ANKFN1: variants seen among roughly 807,000 people sequenced by gnomAD.
ANKFN1 encodes ankyrin repeat and fibronectin type-III domain-containing protein 1.
Under a neutral mutation model 108.7 loss-of-function variants are expected in ANKFN1, and 74 were observed. The observed-to-expected ratio is 0.68, with a 90% CI of 0.56 to 0.83. The LOEUF (loss-of-function observed/expected upper bound fraction) is 0.83. Among genes scored for constraint, ANKFN1 ranks in the 40% least tolerant of loss-of-function variants. The pLI, the probability that ANKFN1 is intolerant of heterozygous loss-of-function variation, is 0.00. For synonymous variants in ANKFN1, 547 were observed against 516.2 expected, an observed-to-expected ratio of 1.06 and a Z score of -0.81; for missense variants, 1,505 against 1,382.3, an observed-to-expected ratio of 1.09 and a Z score of -1.41.
At chr17:56,061,751 T>C (rs1290619288) in intron 4 of ANKFN1, among the ~76,000 whole-genome samples, 1 of 152,202 alleles carries the variant, frequency 6.6e-6, no homozygotes, top group Non-Finnish European at 1.5e-5. Context: ...TCATACTCTA[T>C]CTCCTTCAGT....
chr17:56,243,851 T>C (rs1917765160), intron 3 of ANKFN1, among the ~76,000 whole-genome samples: 1 of 152,166 alleles, frequency 6.6e-6, no homozygotes, highest in Non-Finnish European at 1.5e-5. Context: ...GTTTCAAGAA[T>C]GTTAGGTTTT....
At chr17:56,171,789 C>T (rs145017829) in intron 1 of ANKFN1, among the ~76,000 whole-genome samples, 1 of 152,242 alleles carries the variant, frequency 6.6e-6, no homozygotes, top group East Asian at 1.9e-4. Flanking sequence ...TAGAAAACAG[C>T]AGGGAAACAA....
chr17:56,341,510 A>G (rs750214454), intron 4 of ANKFN1, among the ~76,000 whole-genome samples: 1 of 152,132 alleles, frequency 6.6e-6, no homozygotes, highest in African/African-American at 2.4e-5. Context: ...AGTTGTTAAC[A>G]TGAAGAGATG....
At chr17:56,210,900 G>T (rs1370382161) in intron 1 of ANKFN1, among the ~76,000 whole-genome samples, 1 of 152,118 alleles carries the variant, frequency 6.6e-6, no homozygotes, top group South Asian at 2.1e-4. Flanking sequence ...CTCCCATCGG[G>T]TCCCTCCTAT....
chr17:56,354,335 G>C (rs944020662), intron 6 of ANKFN1, among the ~76,000 whole-genome samples: 1 of 152,192 alleles, frequency 6.6e-6, no homozygotes, highest in Non-Finnish European at 1.5e-5. Flanking sequence ...TCCAAGTGAG[G>C]ATATAGAATA....
At chr17:56,208,714 C>T (rs1417337890) in intron 1 of ANKFN1, among the ~76,000 whole-genome samples, 2 of 152,148 alleles carry the variant, frequency 1.3e-5, no homozygotes, top group African/African-American at 4.8e-5. Context: ...ACAAATTTTA[C>T]ATCCCTATTC....
chr17:56,455,601 C>G (rs2145226952), intron 11 of ANKFN1, among the ~76,000 whole-genome samples: 1 of 152,288 alleles, frequency 6.6e-6, no homozygotes, highest in East Asian at 1.9e-4. Flanking sequence ...GGTGGTGATA[C>G]CAACAACCTC....
upstream of ANKFN1, among the ~76,000 whole-genome samples, chr17:56,152,254 A>ATGTGTGTGTG (rs767291179): frequency 1.4e-4 from 11 of 78,470 alleles, no homozygotes; most frequent in African/African-American, 4.5e-4. Context: ...AAATATATAT[A>ATGTGTGTGTG]TATATATATG....
chr17:56,135,853 A>G (rs1212759224), intron 4 of ANKFN1, among the ~76,000 whole-genome samples: 1 of 152,224 alleles, frequency 6.6e-6, no homozygotes, highest in Non-Finnish European at 1.5e-5. Context: ...TAGAAAGTAA[A>G]AAACTAATCC....
At chr17:56,353,663 C>A (rs775163894) in intron 5 of ANKFN1, among the ~76,000 whole-genome samples, 173 bp from the exon 6 acceptor site, 1 of 152,114 alleles carries the variant, frequency 6.6e-6, no homozygotes, top group African/African-American at 2.4e-5. Flanking sequence ...TTAGAAATGA[C>A]GGAGGGGAAG....
At chr17:56,399,380 T>C (rs2144920618) in intron 8 of ANKFN1, among the ~76,000 whole-genome samples, 1 of 151,994 alleles carries the variant, frequency 6.6e-6, no homozygotes, top group South Asian at 2.1e-4. Context: ...CAAAAACAAC[T>C]ATGAGCAAAG....
At position 56,513,084 on chromosome 17, in the gene ANKFN1, A is replaced by C. The variant is rs2051821032; in HGVS notation, c.*1815A>C. Among the ~76,000 whole-genome samples the C allele has an allele frequency of 6.6e-6, 1 of 152,230 alleles. No homozygotes were observed. The highest frequency in any genetic ancestry group is 2.1e-4 in the South Asian group (1 of 4,824). On this transcript the variant is annotated 3_prime_UTR_variant, in exon 21 of 21. Coordinates refer to ENST00000682825, the MANE Select transcript of ANKFN1 (RefSeq NM_001370326.1). ...TGCAGGTAGGGCAATTAAGACCCAG[A>C]GAGGTTAAGTAACATGCTCAAGGTC...
intron 3 of ANKFN1, among the ~76,000 whole-genome samples, chr17:56,305,765 C>A (rs1446271638): frequency 6.6e-6 from 1 of 152,162 alleles, no homozygotes; most frequent in African/African-American, 2.4e-5. Context: ...CAAGTGGTAT[C>A]ATTTTACATT....
At chr17:56,047,915 T>C (rs1002157783) in intron 4 of ANKFN1, among the ~76,000 whole-genome samples, 15 of 151,756 alleles carry the variant, frequency 9.9e-5, no homozygotes, top group Admixed American at 7.9e-4. Flanking sequence ...CTGTGACTCT[T>C]TATTTTTTCC....
At chr17:56,330,890 G>A (rs1258917383) in intron 4 of ANKFN1, among the ~76,000 whole-genome samples, 9 of 152,084 alleles carry the variant, frequency 5.9e-5, no homozygotes, top group Admixed American at 5.9e-4. Context: ...TCTTGCCAAG[G>A]AGTTACTGCT....
chr17:56,337,294 G>A (rs773814959), intron 4 of ANKFN1, among the ~76,000 whole-genome samples: 1 of 152,056 alleles, frequency 6.6e-6, no homozygotes, highest in Non-Finnish European at 1.5e-5. Flanking sequence ...CTGTCTCGTC[G>A]ATCTGTCTAA....
chr17:56,443,675 G>A (rs2049189943), intron 10 of ANKFN1, among the ~76,000 whole-genome samples: 1 of 152,330 alleles, frequency 6.6e-6, no homozygotes, highest in African/African-American at 2.4e-5. Flanking sequence ...AGCATTTGTA[G>A]TGGTGGCTGA....
chr17:56,340,886 G>A (rs1349408617), intron 4 of ANKFN1, among the ~76,000 whole-genome samples: 1 of 151,968 alleles, frequency 6.6e-6, no homozygotes, highest in Non-Finnish European at 1.5e-5. Context: ...TCTATAAATT[G>A]CTTTGGGCAG....
At chr17:56,355,569 A>G (rs2046355289) in intron 6 of ANKFN1, among the ~76,000 whole-genome samples, 1 of 152,196 alleles carries the variant, frequency 6.6e-6, no homozygotes, top group Admixed American at 6.6e-5. Flanking sequence ...ATGGGAAGGC[A>G]GTGGAGCAAT....
Sources: allele counts gnomAD v4.1 joint callset (sites outside exome capture counted in the v4.1 genomes callset), GRCh38; gene constraint gnomAD v4.1.1; transcripts MANE v1.5; gene names NCBI Gene and HGNC (gene_info 2026-07-23, HGNC 2026-07-21).